TYW1: variants seen among roughly 807,000 people sequenced by gnomAD.
The protein encoded by TYW1 is S-adenosyl-L-methionine-dependent tRNA 4-demethylwyosine synthase TYW1.
Under a neutral mutation model 96.2 loss-of-function variants are expected in TYW1, and 46 were observed. The observed-to-expected ratio is 0.48, with a 90% CI of 0.38 to 0.61. The LOEUF is 0.61. Among genes scored for constraint, TYW1 ranks in the 20% least tolerant of loss-of-function variants. The pLI is 0.00. For synonymous variants in TYW1, 274 were observed against 323.0 expected, an observed-to-expected ratio of 0.85 and a Z score of 1.63; for missense variants, 684 against 909.6, an observed-to-expected ratio of 0.75 and a Z score of 3.19.
chr7:67,036,924 G>C (rs1381863308), intron 7 of TYW1, among the ~76,000 whole-genome samples: 2 of 152,218 alleles, frequency 1.3e-5, no homozygotes, highest in African/African-American at 4.8e-5. Flanking sequence ...GCTGGGCAGG[G>C]ACTGGAGGGA....
intron 6 of TYW1, among the ~76,000 whole-genome samples, chr7:67,020,574 C>G (rs1794217215): frequency 1.3e-5 from 2 of 152,270 alleles, no homozygotes; most frequent in Admixed American, 1.3e-4. Flanking sequence ...CCATGTTAAC[C>G]TCCTGTTTAA....
intron 15 of TYW1, among the ~76,000 whole-genome samples, chr7:67,227,049 G>A (rs36001826): frequency 0.15 from 23,265 of 152,128 alleles, 1,928 homozygotes; most frequent in African/African-American, 0.2. Flanking sequence ...TTGCATTAGT[G>A]TTCTTTTTTA....
intron 14 of TYW1, among the ~76,000 whole-genome samples, chr7:67,186,229 G>A (rs1187086210): frequency 7.0e-6 from 1 of 141,850 alleles, no homozygotes; most frequent in Non-Finnish European, 1.5e-5. Flanking sequence ...AAAGCAGCTT[G>A]GCTGGATCTC....
intron 7 of TYW1, among the ~76,000 whole-genome samples, chr7:67,036,294 A>T (rs112944590): frequency 6.6e-6 from 1 of 151,394 alleles, no homozygotes; most frequent in African/African-American, 2.4e-5. Flanking sequence ...GTGCATACCA[A>T]TTATACATGG....
intron 12 of TYW1, among the ~76,000 whole-genome samples, chr7:67,107,358 C>G (rs562738649): frequency 1.3e-5 from 2 of 152,084 alleles, no homozygotes; most frequent in African/African-American, 2.4e-5. Context: ...TTGCACTAAA[C>G]ATATGAAGTT....
At chr7:67,209,087 G>A (rs1007809523) in intron 15 of TYW1, among the ~76,000 whole-genome samples, 24 of 152,330 alleles carry the variant, frequency 1.6e-4, no homozygotes, top group Non-Finnish European at 2.6e-4. Flanking sequence ...ATGACTTTCA[G>A]TGGCAAAGAC....
intron 4 of TYW1, among the ~76,000 whole-genome samples, chr7:67,010,561 C>T (rs1186447420): frequency 2.0e-5 from 3 of 151,776 alleles, no homozygotes; most frequent in South Asian, 2.1e-4. Context: ...CTGCAAGCTC[C>T]GCCTCCCGGG....
intron 8 of TYW1, among the ~76,000 whole-genome samples, chr7:67,053,528 C>T (rs552834325): frequency 6.6e-5 from 10 of 151,904 alleles, no homozygotes; most frequent in East Asian, 1.9e-4. Flanking sequence ...TACATGCATA[C>T]GCCACCACGC....
chr7:67,051,751 A>G (rs1221587983), intron 8 of TYW1, among the ~76,000 whole-genome samples: 2 of 138,164 alleles, frequency 1.4e-5, no homozygotes, highest in South Asian at 4.5e-4. Flanking sequence ...TTTTTTTCTA[A>G]TTTAAGCTTA....
intron 13 of TYW1, among the ~76,000 whole-genome samples, chr7:67,172,675 G>T (rs528738297): frequency 1.3e-5 from 2 of 152,140 alleles, no homozygotes; most frequent in Admixed American, 6.5e-5. Flanking sequence ...TGCTCACCTC[G>T]GCCTCCCAGA....
intron 13 of TYW1, among the ~76,000 whole-genome samples, chr7:67,160,345 G>T (rs1383910076): frequency 1.3e-5 from 2 of 152,056 alleles, no homozygotes; most frequent in Non-Finnish European, 2.9e-5. Flanking sequence ...TGTGTCTATT[G>T]TTGTAATATG....
At chr7:67,134,496 C>T (rs1798183016) in intron 13 of TYW1, among the ~76,000 whole-genome samples, 1 of 151,440 alleles carries the variant, frequency 6.6e-6, no homozygotes, top group Non-Finnish European at 1.5e-5. Flanking sequence ...GAGCCAAGAT[C>T]ACGCTACTGC....
chr7:67,049,933 T>A lies in TYW1; in HGVS notation c.985-16T>A. 1 of 1,613,608 alleles carries A rather than the reference T, an allele frequency of 6.2e-7. No individual in the cohort carries two copies. The highest frequency in any genetic ancestry group is 8.5e-7 in the Non-Finnish European group (1 of 1,179,818). ...ATTACCAATTCTGGATTTCATTCTT[T>A]TTTATTTTAATGCAGAGAGAAAAGG... On this transcript the variant is annotated splice_polypyrimidine_tract_variant and intron_variant, in intron 7 of 15. Transcript: ENST00000359626.
intron 13 of TYW1, among the ~76,000 whole-genome samples, chr7:67,165,071 C>T (rs933695488): frequency 6.6e-6 from 1 of 151,302 alleles, no homozygotes; most frequent in Admixed American, 6.6e-5. Flanking sequence ...ACACTCCCAC[C>T]GTCAATGAAC....
chr7:67,050,125 A>T, intron 8 of TYW1, 59 bp downstream of exon 8: 1 of 1,577,738 alleles, frequency 6.3e-7, no homozygotes, highest in Non-Finnish European at 8.7e-7. Flanking sequence ...CTCATTTGAT[A>T]CCTGGAATGA....
At chr7:67,194,327 C>T (rs6978499) in intron 14 of TYW1, among the ~76,000 whole-genome samples, 40,484 of 146,716 alleles carry the variant, frequency 0.28, 6,269 homozygotes, top group African/African-American at 0.41. Flanking sequence ...AATTAACTCC[C>T]TAAAGAATAA....
In TYW1 at chr7:67,014,355, T is replaced by C; in HGVS notation, c.376-12T>C. Reference sequence around the variant, plus strand: ...TTGTATGTTCCACTGAAACAATTACTTTCTTGGTTAGGTGACTAGTAAAAA... The same window carrying C: ...TTGTATGTTCCACTGAAACAATTACCTTCTTGGTTAGGTGACTAGTAAAAA... On this transcript the variant is annotated splice_polypyrimidine_tract_variant and intron_variant, in intron 4 of 15. Transcript: ENST00000359626. 1 of 1,580,330 alleles carries C rather than the reference T, an allele frequency of 6.3e-7. No individual in the cohort carries two copies. Among genetic ancestry groups the C allele is most frequent in the Non-Finnish European group, 8.6e-7 (1 of 1,163,422 alleles).
intron 13 of TYW1, among the ~76,000 whole-genome samples, chr7:67,181,425 A>G (rs1477709002): frequency 6.6e-6 from 1 of 152,184 alleles, no homozygotes; most frequent in South Asian, 2.1e-4. Flanking sequence ...ACTTTTGAGT[A>G]CACATGAGTA....
intron 7 of TYW1, among the ~76,000 whole-genome samples, chr7:67,038,164 G>A (rs55881177): frequency 7.2e-5 from 11 of 152,190 alleles, no homozygotes; most frequent in East Asian, 3.9e-4. Flanking sequence ...TTAGCCTGGC[G>A]TGGTGGCAGA....
Sources: allele counts gnomAD v4.1 joint callset (sites outside exome capture counted in the v4.1 genomes callset), GRCh38; gene constraint gnomAD v4.1.1; transcripts MANE v1.5; gene names NCBI Gene and HGNC (gene_info 2026-07-23, HGNC 2026-07-21).